Variants in COL4A6 observed in about 807,000 individuals in gnomAD.
COL4A6 encodes collagen type IV alpha 6 chain, also known as collagen alpha-6(IV) chain.
In COL4A6, 59 loss-of-function variants were observed where a neutral mutation model predicts 126.7. The ratio of observed to expected loss-of-function variants is 0.47; its 90% CI spans 0.38 to 0.58. COL4A6 has a LOEUF of 0.58. Among genes scored for constraint, COL4A6 ranks in the 20% least tolerant of loss-of-function variants. The pLI, the probability that COL4A6 is intolerant of heterozygous loss-of-function variation, is 0.00. For missense variants in COL4A6, 1,285 were observed against 1,337.3 expected (o/e 0.96, Z 0.61); for synonymous variants, 547 against 496.6 (o/e 1.10, Z -1.35).
intron 3 of COL4A6, among the ~76,000 whole-genome samples, chrX:108,260,703 G>A (rs1273363443): frequency 9.1e-6 from 1 of 110,353 alleles, no homozygotes; most frequent in Admixed American, 9.7e-5. Context: ...ATGGACTAAT[G>A]CAGTAAACAC....
At chrX:108,335,403 T>A (rs1480424951) in intron 2 of COL4A6, among the ~76,000 whole-genome samples, 1 of 112,262 alleles carries the variant, frequency 8.9e-6, no homozygotes, top group Non-Finnish European at 1.9e-5. Context: ...ACACAGCTAA[T>A]AAACACTGAA....
At chrX:108,248,944 C>T (rs2036782146) in intron 3 of COL4A6, among the ~76,000 whole-genome samples, 2 of 109,926 alleles carry the variant, frequency 1.8e-5, no homozygotes, top group Admixed American at 9.8e-5. Flanking sequence ...GTCTAGGTTG[C>T]ATGCTCCTTG....
At chrX:108,392,683 C>T (rs1336969690) in intron 2 of COL4A6, among the ~76,000 whole-genome samples, 3 of 111,108 alleles carry the variant, frequency 2.7e-5, no homozygotes, top group Non-Finnish European at 5.7e-5. Context: ...GGAATTAGGG[C>T]CTTCAGGAGG....
At chrX:108,402,523 T>C (rs1428564934) in intron 2 of COL4A6, among the ~76,000 whole-genome samples, 3 of 110,988 alleles carry the variant, frequency 2.7e-5, no homozygotes, top group African/African-American at 9.8e-5. Context: ...TTCAACTTTT[T>C]AGGATTTGTT....
chrX:108,409,845 T>C (rs1038011143), intron 2 of COL4A6, among the ~76,000 whole-genome samples: 5 of 111,384 alleles, frequency 4.5e-5, no homozygotes, highest in African/African-American at 1.6e-4. Context: ...CATTTTTTCA[T>C]TGAATGACTG....
Position 108,157,195 on chromosome X carries a change from G to A in COL4A6, c.4878C>T (p.Asp1626=), listed in dbSNP as rs1166886741. ...SLVSPGSCLE[D]FRATPFIECS... is the part of the protein sequence containing the mutation. ...ATTCGATGAAAGGAGTGGCCCGAAA[G>A]TCCTCTAGGCAGGAGCCAGGTGAGA... Residue 1626 remains aspartate, a synonymous_variant, in exon 45 of 45, where the codon GAC becomes GAT. Transcript: ENST00000334504. 17 of 1,210,484 alleles carry A rather than the reference G, an allele frequency of 1.4e-5. No individual in the cohort carries two copies. The highest frequency in any genetic ancestry group is 1.9e-5 in the Non-Finnish European group (17 of 895,322).
chrX:108,200,419 C>CA (rs1278953486), intron 13 of COL4A6, among the ~76,000 whole-genome samples: 8 of 112,384 alleles, frequency 7.1e-5, no homozygotes, highest in African/African-American at 2.6e-4. Context: ...CCACACATGG[C>CA]TGGCTGTTAT....
chrX:108,176,475 CT>C (rs1382762357), intron 28 of COL4A6, among the ~76,000 whole-genome samples: 81 of 111,093 alleles, frequency 7.3e-4, no homozygotes, highest in African/African-American at 2.6e-3. Flanking sequence ...CTCACTTTCC[CT>C]TTTTTTAAAT....
chrX:108,237,878 CTA>C (rs2036470847), intron 3 of COL4A6, among the ~76,000 whole-genome samples: 1 of 105,830 alleles, frequency 9.4e-6, no homozygotes, highest in Non-Finnish European at 1.9e-5. Flanking sequence ...ATCTATCTAT[CTA>C]TCTATCTATC....
chrX:108,358,272 A>G (rs966614446), intron 2 of COL4A6, among the ~76,000 whole-genome samples: 2 of 112,234 alleles, frequency 1.8e-5, no homozygotes, highest in Non-Finnish European at 3.8e-5. Flanking sequence ...TACTGAATGG[A>G]AGCATGAACA....
In COL4A6 at chrX:108,180,913, G is replaced by GCCTGGAAAT; in HGVS notation, c.1998_2006dup (p.Phe667_Gly669dup). 8.3e-7 allele frequency: 1 copy of GCCTGGAAAT among 1,210,716 alleles called. No individual in the cohort carries two copies. The highest frequency in any genetic ancestry group is 3.0e-5 in the East Asian group (1 of 33,845). ...ATTCCATACCTGGGAATCCGGGAGTGCCTGGAAATCCTGATGGACCGTATG... is the reference window on the plus strand; with the variant it reads ...ATTCCATACCTGGGAATCCGGGAGTGCCTGGAAATCCTGGAAATCCTGATGGACCGTATG... On this transcript the variant is annotated inframe_insertion, in exon 24 of 45. Coordinates refer to ENST00000334504, the MANE Select transcript of COL4A6 (RefSeq NM_033641.4).
chrX:108,287,469 T>C (rs1032154799), intron 3 of COL4A6, among the ~76,000 whole-genome samples: 2 of 112,113 alleles, frequency 1.8e-5, no homozygotes, highest in African/African-American at 6.5e-5. Context: ...TAAAACTTTA[T>C]TTGGCAGCTC....
At chrX:108,245,027 T>C (rs1277949400) in intron 3 of COL4A6, among the ~76,000 whole-genome samples, 1 of 112,686 alleles carries the variant, frequency 8.9e-6, no homozygotes, top group Middle Eastern at 4.6e-3. Flanking sequence ...TAGGGTTTTC[T>C]GCTTTAACTG....
intron 3 of COL4A6, among the ~76,000 whole-genome samples, chrX:108,265,289 G>A (rs2037270676): frequency 9.0e-6 from 1 of 110,736 alleles, no homozygotes; most frequent in South Asian, 3.9e-4. Context: ...ATTGGGTTTG[G>A]GTTTGAAAAT....
chrX:108,301,113 A>G (rs1289512499), intron 3 of COL4A6, among the ~76,000 whole-genome samples: 1 of 112,485 alleles, frequency 8.9e-6, no homozygotes, highest in African/African-American at 3.2e-5. Context: ...GACTTCCATT[A>G]ATGCGAGTCT....
rs144792752 is a variant in COL4A6, at chrX:108,219,736, T to C, written c.286A>G (p.Met96Val). The C allele has an allele frequency of 1.7e-6, 2 of 1,206,025 alleles. No individual in the cohort carries two copies. Among genetic ancestry groups the C allele is most frequent in the Non-Finnish European group, 2.2e-6 (2 of 890,753 alleles). ...ATGCCAAGAAAGCCAGGAACTCCCA[T>C]GGGACCCTAAAAAAAGGAGTAGGGA... is the stretch of plus-strand genomic sequence containing the variant. ...PYGPKGDKGP[M>V]GVPGFLGING... Residue 96 changes from methionine (M) to valine (V), a missense_variant, in exon 5 of 45, where the codon ATG becomes GTG. Met to Val is a conservative substitution (Grantham distance 21, BLOSUM62 1). Transcript: ENST00000334504.
chrX:108,191,379 A>G lies in COL4A6; in HGVS notation c.1321+14T>C, dbSNP rs1336989607. The G allele has an allele frequency of 8.3e-7, 1 of 1,206,328 alleles. No homozygotes were observed. Among genetic ancestry groups the G allele is most frequent in the East Asian group, 3.0e-5 (1 of 33,709 alleles). The stretch of plus-strand genomic sequence containing the variant: ...TCTGAATCTTGAGACCAAAAAGAGA[A>G]ATGAGTAACTTACTAGGTGGGCCTG... On this transcript the variant is annotated intron_variant, in intron 19 of 44. Coordinates refer to ENST00000334504, the MANE Select transcript of COL4A6 (RefSeq NM_033641.4).
In COL4A6 at chrX:108,197,772, A is replaced by AGTGTGTGT. The variant is rs57928875; in HGVS notation, c.835-1201_835-1194dup. Among the ~76,000 whole-genome samples, 232 of 87,245 alleles carry AGTGTGTGT rather than the reference A, an allele frequency of 2.7e-3. 1 individual carries two copies. The highest frequency in any genetic ancestry group is 6.1e-3 in the East Asian group (16 of 2,618). The allele number at this position is 87,245 out of a possible 115,157, so 75.8% of individuals were successfully genotyped here. A position where few individuals can be genotyped will look rare whatever the true frequency, so the allele number is the denominator to read the frequency against. On this transcript the variant is annotated intron_variant, in intron 13 of 44. Transcript: ENST00000334504. Reference sequence around the variant, plus strand: ...TTTTCATTGTCTTTTTATTGGGAGGAGTGTGTGTGTGTGTGTGTGTGTGTG... The same window carrying AGTGTGTGT: ...TTTTCATTGTCTTTTTATTGGGAGGAGTGTGTGTGTGTGTGTGTGTGTGTGTGTGTGTG...
At chrX:108,389,744 A>G (rs7062941) in intron 2 of COL4A6, among the ~76,000 whole-genome samples, 8,172 of 110,847 alleles carry the variant, frequency 0.074, 664 homozygotes, top group African/African-American at 0.23. Context: ...GGTTAATATC[A>G]TTATACGTGA....
Sources: allele counts gnomAD v4.1 joint callset (sites outside exome capture counted in the v4.1 genomes callset), GRCh38; gene constraint gnomAD v4.1.1; transcripts MANE v1.5; gene names NCBI Gene and HGNC (gene_info 2026-07-23, HGNC 2026-07-21).